Variants in SPTLC1 observed in about 807,000 individuals in gnomAD.
SPTLC1 encodes serine palmitoyltransferase 1.
SPTLC1 carries 55 observed loss-of-function variants against 68.9 expected under a neutral mutation model. The observed-to-expected ratio is 0.80, with a 90% CI of 0.64 to 1.00. The LOEUF is 1.00. Among genes scored for constraint, SPTLC1 ranks in the 50% least tolerant of loss-of-function variants. The probability of loss-of-function intolerance (pLI) is 0.00; values close to 1 mark genes in which losing one functional copy is unlikely to be tolerated. For missense variants in SPTLC1, 449 were observed against 573.1 expected, an observed-to-expected ratio of 0.78 and a Z score of 2.21; for synonymous variants, 197 against 201.6, an observed-to-expected ratio of 0.98 and a Z score of 0.19.
chr9:92,041,736 A>G (rs1366409649), intron 12 of SPTLC1, among the ~76,000 whole-genome samples: 2 of 152,260 alleles, frequency 1.3e-5, no homozygotes, highest in Non-Finnish European at 2.9e-5. Context: ...AATATTAGCT[A>G]AATAAATCTA....
At chr9:92,056,017 G>A (rs902126574) in intron 7 of SPTLC1, among the ~76,000 whole-genome samples, 5 of 152,194 alleles carry the variant, frequency 3.3e-5, no homozygotes, top group Admixed American at 3.3e-4. Context: ...GCTGGGAGAA[G>A]GGTACAGGGG....
intron 3 of SPTLC1, among the ~76,000 whole-genome samples, chr9:92,103,660 G>A (rs1206474195): frequency 2.6e-5 from 4 of 152,248 alleles, no homozygotes; most frequent in Non-Finnish European, 5.9e-5. Context: ...AACCTGCGAA[G>A]CAAGGCTGGT....
chr9:92,103,119 T>C (rs1021001858), intron 3 of SPTLC1, among the ~76,000 whole-genome samples: 6 of 152,256 alleles, frequency 3.9e-5, no homozygotes, highest in African/African-American at 1.4e-4. Flanking sequence ...CTTTTATCCA[T>C]ATGGAATAAT....
chr9:92,105,107 G>C, intron 3 of SPTLC1: 1 of 1,533,016 alleles, frequency 6.5e-7, no homozygotes, highest in Non-Finnish European at 8.7e-7. Context: ...GCAGCCCAAG[G>C]ATCCTGCAGC....
In SPTLC1 at chr9:92,059,312, C is replaced by A. The variant is rs376271947; in HGVS notation, c.561-4G>T. 3 of 1,613,044 alleles carry A rather than the reference C, an allele frequency of 1.9e-6. No individual in the cohort carries two copies. Among genetic ancestry groups the A allele is most frequent in the African/African-American group, 1.3e-5 (1 of 74,196 alleles). On this transcript the variant is annotated splice_polypyrimidine_tract_variant and splice_region_variant and intron_variant, in intron 6 of 14. Transcript: ENST00000262554. The stretch of plus-strand genomic sequence containing the variant: ...AGCAAAGCAGGCAGCTCTATCTCTG[C>A]AAGGAAAAGAGATCCACCAAATTGG...
chr9:92,067,460 T>C lies in SPTLC1; in HGVS notation c.560+506A>G, dbSNP rs531919584. ...TGCCAGCCCTTGCTTGGCTGTACCC[T>C]GCCCTTCACAGTAAACCTCGGTAGC... On this transcript the variant is annotated intron_variant, in intron 6 of 14. Coordinates refer to ENST00000262554, the MANE Select transcript of SPTLC1 (RefSeq NM_006415.4). Among the ~76,000 whole-genome samples the C allele has an allele frequency of 2.0e-5, 3 of 152,348 alleles. No homozygotes were observed. The East Asian group carries it at 5.8e-4, about 29-fold the overall frequency.
chr9:92,032,180 A>G lies in SPTLC1; in HGVS notation c.*285T>C, dbSNP rs1832984165. 9.0e-7 allele frequency: 1 copy of G among 1,110,980 alleles called. No individual in the cohort carries two copies. The highest frequency in any genetic ancestry group is 1.2e-6 in the Non-Finnish European group (1 of 805,218). The allele number at this position is 1,110,980 out of a possible 1,614,324, so 68.8% of individuals were successfully genotyped here. A position where few individuals can be genotyped will look rare whatever the true frequency, so the allele number is the denominator to read the frequency against. On this transcript the variant is annotated 3_prime_UTR_variant, in exon 15 of 15. Transcript: ENST00000262554. The stretch of plus-strand genomic sequence containing the variant: ...AGAATATAAAATACTAGTATAAGAA[A>G]ACATTTAAATAGTACTAAATGCACA...
intron 1 of SPTLC1, among the ~76,000 whole-genome samples, chr9:92,114,422 A>T (rs1836360812): frequency 6.6e-6 from 1 of 151,994 alleles, no homozygotes; most frequent in South Asian, 2.1e-4. Context: ...GGCTTCAAAA[A>T]ACTCTTAACT....
In SPTLC1 at chr9:92,111,114, T is replaced by A. The variant is rs558326874; in HGVS notation, c.165+1341A>T. The A allele has an allele frequency of 5.3e-5, 8 of 152,296 alleles. No individual in the cohort carries two copies. The East Asian group carries it at 1.5e-3, about 29-fold the overall frequency. 9.4% of individuals were successfully genotyped at this position (152,296 alleles called of 1,614,324 possible). ...TAGCAGGCCAACATCACCTATCTAA[T>A]GAATCACCCTTATGGAAAAAAACTC... On this transcript the variant is annotated intron_variant, in intron 2 of 14. Transcript: ENST00000262554.
At chr9:92,049,671 A>G (rs1285303427) in intron 9 of SPTLC1, among the ~76,000 whole-genome samples, 5 of 152,226 alleles carry the variant, frequency 3.3e-5, no homozygotes, top group Non-Finnish European at 7.3e-5. Context: ...GGCAAAATTT[A>G]ACCATTTCTA....
At chr9:92,062,347 A>T (rs572284821) in intron 6 of SPTLC1, among the ~76,000 whole-genome samples, 1 of 152,200 alleles carries the variant, frequency 6.6e-6, no homozygotes, top group Non-Finnish European at 1.5e-5. Context: ...TAAACAAAAA[A>T]GCTAAATTTG....
intron 1 of SPTLC1, 105 bp downstream of exon 1, chr9:92,115,209 G>T: frequency 8.6e-7 from 1 of 1,162,184 alleles, no homozygotes. Context: ...GTCTGGGCGT[G>T]ACCGAGCCAG....
chr9:92,112,639 A>C lies in SPTLC1; in HGVS notation c.58-77T>G, dbSNP rs1251645146. ...TGCACATAAAATTTACTACACCTGC[A>C]TATACTGCCTCCTGTGACTTTTAGC... On this transcript the variant is annotated intron_variant, in intron 1 of 14. Coordinates refer to ENST00000262554, the MANE Select transcript of SPTLC1 (RefSeq NM_006415.4). 18 of 874,306 alleles carry C rather than the reference A, an allele frequency of 2.1e-5. No individual in the cohort carries two copies. The South Asian group carries it at 2.3e-4, about 11-fold the overall frequency. The allele number at this position is 874,306 out of a possible 1,614,324, so 54.2% of individuals were successfully genotyped here.
In SPTLC1 at chr9:92,055,404, C is replaced by T; in HGVS notation, c.780+1G>A. 6 of 1,613,782 alleles carry T rather than the reference C, an allele frequency of 3.7e-6. No homozygotes were observed. The highest frequency in any genetic ancestry group is 5.1e-6 in the Non-Finnish European group (6 of 1,180,004). On this transcript the variant is annotated splice_donor_variant, in intron 8 of 14. Transcript: ENST00000262554. LOFTEE classifies it high-confidence loss of function. ...AATTACAGCTGAACATGGTTGCTTA[C>T]CAATTCTGGAAGAGGACAAATAGTT...
Position 92,038,357 on chromosome 9 carries a change from C to A in SPTLC1, c.1145G>T (p.Gly382Val). Residue 382 changes from glycine to valine, a missense_variant, in exon 13 of 15, where the codon GGA becomes GTA. Coordinates refer to ENST00000262554, the MANE Select transcript of SPTLC1 (RefSeq NM_006415.4). ...AAGGGACTCCCCCACCACTTTTAAT[C>A]CAGAAATGCTGAAGAAGGGAAACAC... is the stretch of plus-strand genomic sequence containing the variant. ...QIHKALQGISGLKVVGESLSP... is the reference protein window; with the variant it reads ...QIHKALQGISVLKVVGESLSP... 1 of 1,609,112 alleles carries A rather than the reference C, an allele frequency of 6.2e-7. No individual in the cohort carries two copies. The highest frequency in any genetic ancestry group is 8.5e-7 in the Non-Finnish European group (1 of 1,175,646).
chr9:92,041,648 T>G (rs533986325), intron 12 of SPTLC1, among the ~76,000 whole-genome samples: 3 of 152,170 alleles, frequency 2.0e-5, no homozygotes, highest in African/African-American at 7.2e-5. Flanking sequence ...ACCCTAACAC[T>G]GACTCCTATG....
intron 3 of SPTLC1, among the ~76,000 whole-genome samples, chr9:92,105,842 T>C (rs1291267817): frequency 5.8e-4 from 53 of 91,528 alleles, no homozygotes; most frequent in Middle Eastern, 0.011. Flanking sequence ...CTGCCCGGCC[T>C]CCTCACCGTC....
intron 12 of SPTLC1, among the ~76,000 whole-genome samples, chr9:92,040,863 G>A (rs947932127): frequency 6.6e-6 from 1 of 152,118 alleles, no homozygotes; most frequent in African/African-American, 2.4e-5. Flanking sequence ...GTGAGAGAAG[G>A]AATTAAACAA....
At chr9:92,050,831 G>C (rs1350353789) in intron 8 of SPTLC1, 2 of 23,008 alleles carry the variant, frequency 8.7e-5, no homozygotes, top group African/African-American at 1.3e-3. Context: ...TTTTTTTTTT[G>C]AGACAGAGTC....
Sources: gnomAD v4.1 joint callset for allele counts (sites outside exome capture counted in the v4.1 genomes callset) on GRCh38, gnomAD v4.1.1 for gene constraint, MANE v1.5 for transcripts, NCBI Gene and HGNC (gene_info 2026-07-23, HGNC 2026-07-21) for gene names.